Variants in SYN3 observed in about 807,000 individuals in gnomAD.
The protein encoded by SYN3 is synapsin-3.
SYN3 carries 35 observed loss-of-function variants against 65.8 expected under a neutral mutation model. That is an observed-to-expected ratio of 0.53 (90% CI 0.41 to 0.70). SYN3 has a LOEUF of 0.70. Ranked by LOEUF, SYN3 falls within the 30% of genes least tolerant of loss-of-function variation. The pLI is 0.00. For missense variants in SYN3, 680 were observed against 749.0 expected (o/e 0.91, Z 1.08); for synonymous variants, 270 against 292.9 (o/e 0.92, Z 0.80).
chr22:32,914,398 A>G (rs949811524), intron 4 of SYN3, among the ~76,000 whole-genome samples: 3 of 150,576 alleles, frequency 2.0e-5, no homozygotes, highest in African/African-American at 7.3e-5. Context: ...CAGTTTCCCC[A>G]TCTGTAATAT....
At chr22:33,039,737 T>G (rs2053929258) in intron 1 of SYN3, among the ~76,000 whole-genome samples, 1 of 152,062 alleles carries the variant, frequency 6.6e-6, no homozygotes, top group Non-Finnish European at 1.5e-5. Context: ...ATGGTAGCCC[T>G]CCTCTCAACA....
intron 6 of SYN3, among the ~76,000 whole-genome samples, chr22:32,832,503 C>G (rs1387414005): frequency 6.7e-6 from 1 of 150,032 alleles, no homozygotes; most frequent in African/African-American, 2.5e-5. Flanking sequence ...GCCCAGGGCT[C>G]TTCTTGCTAT....
chr22:32,970,012 A>T (rs2051969325), intron 3 of SYN3, among the ~76,000 whole-genome samples: 1 of 152,196 alleles, frequency 6.6e-6, no homozygotes, highest in South Asian at 2.1e-4. Context: ...TGCATGGATT[A>T]TATCCTTTCT....
chr22:32,783,185 T>C (rs2046114455), intron 6 of SYN3: 1 of 152,236 alleles, frequency 6.6e-6, no homozygotes, highest in Non-Finnish European at 1.5e-5. Context: ...AGGTTTATAT[T>C]GCCTGGATGC....
intron 2 of SYN3, among the ~76,000 whole-genome samples, chr22:32,989,082 C>T (rs1001051498): frequency 1.2e-4 from 18 of 152,140 alleles, no homozygotes; most frequent in African/African-American, 3.4e-4. Flanking sequence ...AGCTGCTCCC[C>T]GATGGGCTGC....
chr22:32,787,993 A>T (rs9609632), intron 6 of SYN3, among the ~76,000 whole-genome samples: 53,237 of 152,012 alleles, frequency 0.35, 9,656 homozygotes, highest in East Asian at 0.51. Flanking sequence ...AGTGGGAGAG[A>T]CATGGACAGC....
intron 6 of SYN3, among the ~76,000 whole-genome samples, chr22:32,820,637 G>T (rs1466477941): frequency 6.6e-6 from 1 of 152,186 alleles, no homozygotes; most frequent in African/African-American, 2.4e-5. Flanking sequence ...GGGTTGGGCA[G>T]GGGCCCGGAG....
At chr22:32,537,978 TC>T (rs1295605465) in intron 9 of SYN3, 57 bp downstream of exon 9, 23 of 1,516,408 alleles carry the variant, frequency 1.5e-5, no homozygotes, top group African/African-American at 2.7e-5. Context: ...TTTGTTGCAT[TC>T]CCCCTTCAGC....
chr22:32,596,514 G>T (rs2059202114), intron 7 of SYN3, among the ~76,000 whole-genome samples, 160 bp downstream of exon 7: 1 of 152,200 alleles, frequency 6.6e-6, no homozygotes, highest in Non-Finnish European at 1.5e-5. Flanking sequence ...TCTGAGGAAG[G>T]TGGGCTGGGA....
At chr22:32,868,889 G>A in intron 5 of SYN3, 77 bp downstream of exon 5, 1 of 1,452,362 alleles carries the variant, frequency 6.9e-7, no homozygotes, top group Non-Finnish European at 9.4e-7. Flanking sequence ...TCCATGCTGG[G>A]GAGTGGGCTT....
chr22:32,618,517 C>G (rs949675262), intron 6 of SYN3, among the ~76,000 whole-genome samples: 3 of 152,154 alleles, frequency 2.0e-5, no homozygotes, highest in African/African-American at 7.2e-5. Context: ...CTAAAAAAAG[C>G]TTCTAGATGC....
intron 7 of SYN3, chr22:32,583,401 A>C (rs2058977306): frequency 6.6e-6 from 1 of 152,196 alleles, no homozygotes. Context: ...CCCTGGTTTT[A>C]GGATCATGCT....
intron 4 of SYN3, among the ~76,000 whole-genome samples, chr22:32,897,750 G>A (rs1031936350): frequency 2.6e-5 from 4 of 152,152 alleles, no homozygotes; most frequent in Non-Finnish European, 4.4e-5. Flanking sequence ...AAAATGCCTG[G>A]CATGTAGTGA....
At chr22:32,785,471 G>A (rs1420528874) in intron 6 of SYN3, among the ~76,000 whole-genome samples, 1 of 152,188 alleles carries the variant, frequency 6.6e-6, no homozygotes, top group East Asian at 1.9e-4. Flanking sequence ...CTGGGGGGCT[G>A]ATGGAATAAC....
chr22:32,695,140 G>A (rs2060718379), intron 6 of SYN3, among the ~76,000 whole-genome samples: 1 of 151,958 alleles, frequency 6.6e-6, no homozygotes. Context: ...CTGTCTTATT[G>A]CTCTGTTCCT....
intron 6 of SYN3, chr22:32,859,343 C>G: frequency 6.2e-7 from 1 of 1,612,964 alleles, no homozygotes; most frequent in Non-Finnish European, 8.5e-7. Context: ...TGGGCCCCCC[C>G]GGATAAAAGC....
At chr22:32,515,605 A>G (rs914998395) in intron 13 of SYN3, among the ~76,000 whole-genome samples, 5 of 152,220 alleles carry the variant, frequency 3.3e-5, no homozygotes, top group Non-Finnish European at 7.3e-5. Context: ...TAACAATATC[A>G]TGTCAGGTTA....
chr22:32,809,721 G>T (rs2046861055), intron 6 of SYN3, among the ~76,000 whole-genome samples: 1 of 152,176 alleles, frequency 6.6e-6, no homozygotes, highest in Non-Finnish European at 1.5e-5. Context: ...ATAGCCGAAA[G>T]CAAGGACGGT....
chr22:32,941,627 G>A (rs1320797231), intron 3 of SYN3, among the ~76,000 whole-genome samples: 2 of 152,202 alleles, frequency 1.3e-5, no homozygotes, highest in African/African-American at 4.8e-5. Flanking sequence ...AGCCCACCGA[G>A]CGAGAGCCAA....
Sources: allele counts gnomAD v4.1 joint callset (sites outside exome capture counted in the v4.1 genomes callset), GRCh38; gene constraint gnomAD v4.1.1; transcripts MANE v1.5; gene names NCBI Gene and HGNC (gene_info 2026-07-23, HGNC 2026-07-21).